DNAJC3: variants seen among roughly 807,000 people sequenced by gnomAD.
The protein encoded by DNAJC3 is DnaJ heat shock protein family (Hsp40) member C3.
DNAJC3 carries 38 observed loss-of-function variants against 68.6 expected under a neutral mutation model. The ratio of observed to expected loss-of-function variants is 0.55; its 90% CI spans 0.43 to 0.73. The LOEUF (loss-of-function observed/expected upper bound fraction) is 0.73, where lower values mean the gene tolerates loss of function less well. DNAJC3 is among the 30% of genes least tolerant of loss of function. The probability of loss-of-function intolerance (pLI) is 0.00; values close to 1 mark genes in which losing one functional copy is unlikely to be tolerated. For missense variants in DNAJC3, 526 were observed against 591.9 expected (o/e 0.89, Z 1.16); for synonymous variants, 203 against 204.0 (o/e 1.00, Z 0.04).
At chr13:95,725,972 G>A (rs1881502616) in intron 4 of DNAJC3, among the ~76,000 whole-genome samples, 1 of 151,594 alleles carries the variant, frequency 6.6e-6, no homozygotes, top group African/African-American at 2.4e-5. Flanking sequence ...ATGGTTTCCA[G>A]TTTCATCCAT....
chr13:95,769,966 G>A (rs993577911), intron 9 of DNAJC3, among the ~76,000 whole-genome samples: 1 of 152,146 alleles, frequency 6.6e-6, no homozygotes, highest in Non-Finnish European at 1.5e-5. Flanking sequence ...AAGATACAAG[G>A]CAGATTTCCA....
chr13:95,741,235 A>T (rs1397761500), intron 4 of DNAJC3, among the ~76,000 whole-genome samples: 1 of 152,136 alleles, frequency 6.6e-6, no homozygotes, highest in Non-Finnish European at 1.5e-5. Flanking sequence ...CTTTTTCCTT[A>T]AGATGTGTTT....
intron 4 of DNAJC3, 60 bp downstream of exon 4, chr13:95,725,312 T>C: frequency 1.6e-6 from 2 of 1,276,364 alleles, no homozygotes; most frequent in Non-Finnish European, 2.1e-6. Flanking sequence ...GTATTTGACC[T>C]TTTTTATATT....
At position 95,709,223 on chromosome 13, in the gene DNAJC3, T is replaced by G; in HGVS notation, c.83-4T>G. 1 of 1,517,694 alleles carries G rather than the reference T, an allele frequency of 6.6e-7. No individual in the cohort carries two copies. The highest frequency in any genetic ancestry group is 8.8e-7 in the Non-Finnish European group (1 of 1,130,630). 94.0% of individuals were successfully genotyped at this position (1,517,694 alleles called of 1,614,324 possible). Reference sequence around the variant, plus strand: ...TAACTGATTGTTTTTAATTTTATTTTTAGGTGCTGAATGTGGAGTAAATGC... The same window carrying G: ...TAACTGATTGTTTTTAATTTTATTTGTAGGTGCTGAATGTGGAGTAAATGC... On this transcript the variant is annotated splice_polypyrimidine_tract_variant and splice_region_variant and intron_variant, in intron 1 of 11. Transcript: ENST00000602402.
chr13:95,756,423 A>G (rs1882663206), intron 4 of DNAJC3, among the ~76,000 whole-genome samples: 1 of 152,220 alleles, frequency 6.6e-6, no homozygotes, highest in African/African-American at 2.4e-5. Context: ...TGTTCTTCAC[A>G]AGTCAAGGGT....
chr13:95,763,925 C>T lies in DNAJC3; in HGVS notation c.1047C>T (p.Ala349=). The change falls in exon 9 of 12, where the codon GCC becomes GCT. Residue 349 remains alanine, a synonymous_variant. Coordinates refer to ENST00000602402, the MANE Select transcript of DNAJC3 (RefSeq NM_006260.5). The part of the protein sequence containing the change: ...NVNALKDRAE[A]YLIEEMYDEA... ...ATGCCCTGAAAGATCGAGCAGAGGC[C>T]TATTTGATAGAGGAAATGTATGATG... 6.2e-7 allele frequency: 1 copy of T among 1,613,950 alleles called. No individual in the cohort carries two copies. Among genetic ancestry groups the T allele is most frequent in the South Asian group, 1.1e-5 (1 of 91,066 alleles).
intron 9 of DNAJC3, among the ~76,000 whole-genome samples, chr13:95,780,184 C>CAT (rs1883410598): frequency 6.6e-6 from 1 of 152,212 alleles, no homozygotes; most frequent in Non-Finnish European, 1.5e-5. Context: ...GCCAGGAGGT[C>CAT]ATCTGCCACC....
At chr13:95,729,549 A>G (rs1039976376) in intron 4 of DNAJC3, among the ~76,000 whole-genome samples, 3 of 152,038 alleles carry the variant, frequency 2.0e-5, no homozygotes, top group African/African-American at 7.2e-5. Context: ...TTGATTGTAT[A>G]GTAGTTCTAT....
intron 9 of DNAJC3, among the ~76,000 whole-genome samples, chr13:95,779,360 G>C (rs747222572): frequency 6.6e-6 from 1 of 151,932 alleles, no homozygotes; most frequent in Non-Finnish European, 1.5e-5. Context: ...TCCTGACCTC[G>C]TGATCTGCCC....
intron 1 of DNAJC3, among the ~76,000 whole-genome samples, chr13:95,677,938 G>A (rs957923058): frequency 3.3e-5 from 5 of 152,308 alleles, no homozygotes; most frequent in South Asian, 2.1e-4. Flanking sequence ...GGACGGCCAG[G>A]CACTGAGTTT....
intron 1 of DNAJC3, chr13:95,693,714 GCTAA>G (rs1880348712): frequency 1.3e-5 from 2 of 151,580 alleles, no homozygotes; most frequent in Admixed American, 6.6e-5. Flanking sequence ...ATAATCTTAA[GCTAA>G]AATATCCATT....
intron 10 of DNAJC3, among the ~76,000 whole-genome samples, chr13:95,786,331 C>A (rs1246984260): frequency 6.6e-6 from 1 of 152,062 alleles, no homozygotes. Flanking sequence ...GGTCCTAAGC[C>A]TAGATTTTTT....
intron 1 of DNAJC3, chr13:95,695,794 C>T (rs1024091693): frequency 6.6e-6 from 1 of 152,198 alleles, no homozygotes; most frequent in African/African-American, 2.4e-5. Context: ...AAAAAGCATT[C>T]CCGCTTCACC....
rs1318465375 is a variant in DNAJC3, at chr13:95,792,828, C to G, written c.*1798C>G. On this transcript the variant is annotated 3_prime_UTR_variant, in exon 12 of 12. Transcript: ENST00000602402. Reference sequence around the variant, plus strand: ...CTATGTCAGCAATATCTTTTTCAATCTGGTTCCTTTTGTATATGATGTCAC... The same window carrying G: ...CTATGTCAGCAATATCTTTTTCAATGTGGTTCCTTTTGTATATGATGTCAC... The G allele has an allele frequency of 6.6e-6, 1 of 152,162 alleles. No individual in the cohort carries two copies. The highest frequency in any genetic ancestry group is 1.5e-5 in the Non-Finnish European group (1 of 68,026). 9.4% of individuals were successfully genotyped at this position (152,162 alleles called of 1,614,324 possible). A position where few individuals can be genotyped will look rare whatever the true frequency, so the allele number is the denominator to read the frequency against.
intron 4 of DNAJC3, among the ~76,000 whole-genome samples, chr13:95,732,128 C>T (rs949822737): frequency 1.3e-5 from 2 of 152,076 alleles, no homozygotes; most frequent in African/African-American, 2.4e-5. Flanking sequence ...AGACATTGGC[C>T]TGTAGTTTTC....
intron 4 of DNAJC3, chr13:95,745,226 T>C (rs1470119379): frequency 1.3e-5 from 2 of 152,246 alleles, no homozygotes; most frequent in Non-Finnish European, 2.9e-5. Context: ...TTTATGTCTG[T>C]TAAATTAATA....
chr13:95,787,213 G>A, intron 11 of DNAJC3, 58 bp downstream of exon 11: 1 of 1,568,820 alleles, frequency 6.4e-7, no homozygotes, highest in Admixed American at 1.9e-5. Context: ...AAGCGAGGGT[G>A]GAACATGTGG....
intron 1 of DNAJC3, among the ~76,000 whole-genome samples, chr13:95,683,379 C>G (rs1879977268): frequency 6.6e-6 from 1 of 152,108 alleles, no homozygotes; most frequent in South Asian, 2.1e-4. Context: ...GTGATTGGAT[C>G]ATGGGGGTGG....
In DNAJC3 at chr13:95,694,419, A is replaced by G. The variant is rs1880370918; in HGVS notation, c.83-14808A>G. On this transcript the variant is annotated intron_variant, in intron 1 of 11. Transcript: ENST00000602402. ...CACTAATAACCCTAAACCTCCATAA[A>G]TAGGAGAAAGTTTTGAAGACAAACC... is the stretch of plus-strand genomic sequence containing the variant. 2 of 152,650 alleles carry G rather than the reference A, an allele frequency of 1.3e-5. 1 individual carries two copies. Among genetic ancestry groups the G allele is most frequent in the Non-Finnish European group, 2.9e-5 (2 of 68,028 alleles). The allele number at this position is 152,650 out of a possible 1,614,324, so 9.5% of individuals were successfully genotyped here.
Sources: allele counts gnomAD v4.1 joint callset (sites outside exome capture counted in the v4.1 genomes callset), GRCh38; gene constraint gnomAD v4.1.1; transcripts MANE v1.5; gene names NCBI Gene and HGNC (gene_info 2026-07-23, HGNC 2026-07-21).